GATAD2A: variants seen among roughly 807,000 people sequenced by gnomAD.
The protein encoded by GATAD2A is GATA zinc finger domain containing 2A.
A neutral mutation model predicts 68.5 loss-of-function variants in GATAD2A; 12 were observed. The ratio of observed to expected loss-of-function variants is 0.18; its 90% CI spans 0.11 to 0.28. GATAD2A has a LOEUF of 0.28. Ranked by LOEUF, GATAD2A falls within the 10% of genes least tolerant of loss-of-function variation. The pLI is 1.00. For synonymous variants in GATAD2A, 410 were observed against 375.3 expected, an observed-to-expected ratio of 1.09 and a Z score of -1.07; for missense variants, 755 against 868.5, an observed-to-expected ratio of 0.87 and a Z score of 1.64.
chr19:19,438,817 C>G (rs2054659703), intron 1 of GATAD2A, among the ~76,000 whole-genome samples: 1 of 152,202 alleles, frequency 6.6e-6, no homozygotes, highest in African/African-American at 2.4e-5. Context: ...ACTTAGTGGT[C>G]AAATAGGCGG....
chr19:19,406,245 C>CGGGGG (rs1555802341), intron 1 of GATAD2A, among the ~76,000 whole-genome samples: 1 of 151,296 alleles, frequency 6.6e-6, no homozygotes, highest in Non-Finnish European at 1.5e-5. Flanking sequence ...ACGTGGGGGC[C>CGGGGG]GGGCGGGGGT....
At chr19:19,470,581 T>G (rs2058226927) in intron 2 of GATAD2A, among the ~76,000 whole-genome samples, 1 of 152,226 alleles carries the variant, frequency 6.6e-6, no homozygotes. Flanking sequence ...GTAGAACATC[T>G]AGACAAAATT....
intron 1 of GATAD2A, among the ~76,000 whole-genome samples, chr19:19,387,045 C>G (rs1335097894): frequency 6.6e-6 from 1 of 152,172 alleles, no homozygotes; most frequent in African/African-American, 2.4e-5. Flanking sequence ...CTGAGAGACC[C>G]TCTGCCTCTC....
rs1205349352 is a variant in GATAD2A, at chr19:19,436,048, G to T, written c.-6-29292G>T. The T allele has an allele frequency of 7.6e-6, 5 of 658,988 alleles. No individual in the cohort carries two copies. In the Admixed American group the frequency reaches 9.4e-5, roughly 12 times the overall value. 40.8% of individuals were successfully genotyped at this position (658,988 alleles called of 1,614,324 possible). A position where few individuals can be genotyped will look rare whatever the true frequency, so the allele number is the denominator to read the frequency against. On this transcript the variant is annotated intron_variant, in intron 1 of 11. Transcript: ENST00000683918. Reference sequence around the variant, plus strand: ...GAAATTTTGCTATGTAATTCCAGGGGTTAGAGACATTTTAGAAATGCCAGT... The same window carrying T: ...GAAATTTTGCTATGTAATTCCAGGGTTTAGAGACATTTTAGAAATGCCAGT...
intron 2 of GATAD2A, among the ~76,000 whole-genome samples, chr19:19,473,862 C>T (rs999969739): frequency 1.3e-5 from 2 of 151,832 alleles, no homozygotes; most frequent in African/African-American, 2.4e-5. Flanking sequence ...AGGAGAATGG[C>T]GTGAACTCGG....
chr19:19,499,408 C>T (rs2060371690), intron 8 of GATAD2A, among the ~76,000 whole-genome samples: 1 of 152,134 alleles, frequency 6.6e-6, no homozygotes, highest in Non-Finnish European at 1.5e-5. Context: ...GCATCAGACT[C>T]TCAGAGCAGA....
At chr19:19,405,408 G>A (rs2050099349), upstream of GATAD2A, among the ~76,000 whole-genome samples, 1 of 152,212 alleles carries the variant, frequency 6.6e-6, no homozygotes, top group Non-Finnish European at 1.5e-5. Context: ...CTTGGGTGCG[G>A]CCCGCCCGGC....
chr19:19,386,379 G>C (rs2048419984), intron 1 of GATAD2A, among the ~76,000 whole-genome samples: 1 of 150,804 alleles, frequency 6.6e-6, no homozygotes, highest in African/African-American at 2.4e-5. Flanking sequence ...CTCTCTAGGG[G>C]CCTCCCTCCT....
At chr19:19,474,798 A>T (rs2058557025) in intron 2 of GATAD2A, among the ~76,000 whole-genome samples, 1 of 152,176 alleles carries the variant, frequency 6.6e-6, no homozygotes. Flanking sequence ...TGTGCTTTTC[A>T]CACTCACAGG....
chr19:19,417,033 A>C (rs900545464), intron 1 of GATAD2A, among the ~76,000 whole-genome samples: 5 of 152,186 alleles, frequency 3.3e-5, no homozygotes, highest in African/African-American at 1.2e-4. Context: ...AAGTGCTGGG[A>C]TTACAGGTGT....
At chr19:19,501,826 A>G (rs2060545695) in intron 9 of GATAD2A, 143 bp from the exon 10 acceptor site, 2 of 652,228 alleles carry the variant, frequency 3.1e-6, no homozygotes. Flanking sequence ...GTTCTTTGCA[A>G]TTCACTAAAC....
upstream of GATAD2A, among the ~76,000 whole-genome samples, chr19:19,403,151 CTTAA>C (rs1195734884): frequency 4.6e-5 from 7 of 152,140 alleles, no homozygotes; most frequent in African/African-American, 1.7e-4. Context: ...CTAGTTGTTT[CTTAA>C]TTAGAGTTTC....
In GATAD2A at chr19:19,426,807, C is replaced by A. The variant is rs116076458; in HGVS notation, c.-7+20788C>A. ...GGGATTACAGGCGTGAGCCACTGCCCCCGGCCTCCAGTGCTTTCTTTATGC... is the reference window on the plus strand; with the variant it reads ...GGGATTACAGGCGTGAGCCACTGCCACCGGCCTCCAGTGCTTTCTTTATGC... On this transcript the variant is annotated intron_variant, in intron 1 of 11. Transcript: ENST00000683918. 7.4e-3 allele frequency among the ~76,000 whole-genome samples: 1,134 copies of A among 152,322 alleles called. 16 individuals carry two copies. The highest frequency in any genetic ancestry group is 0.026 in the African/African-American group (1,092 of 41,566).
intron 9 of GATAD2A, 73 bp downstream of exon 9, chr19:19,501,489 C>T (rs751043694): frequency 3.4e-4 from 399 of 1,157,764 alleles, no homozygotes; most frequent in Non-Finnish European, 4.4e-4. Flanking sequence ...CCCACGCCTG[C>T]GCTGCACCGC....
intron 1 of GATAD2A, among the ~76,000 whole-genome samples, chr19:19,435,523 C>T (rs933170263): frequency 2.0e-5 from 3 of 152,198 alleles, no homozygotes; most frequent in Non-Finnish European, 4.4e-5. Flanking sequence ...CTGTGCCTGG[C>T]CTGTTTCTGT....
intron 1 of GATAD2A, among the ~76,000 whole-genome samples, chr19:19,427,059 T>C (rs1188865713): frequency 1.3e-5 from 2 of 151,762 alleles, no homozygotes; most frequent in African/African-American, 4.8e-5. Flanking sequence ...ACACTTATGA[T>C]TGCACCTATA....
chr19:19,390,340 G>A (rs1185478546), intron 1 of GATAD2A, among the ~76,000 whole-genome samples: 1 of 152,090 alleles, frequency 6.6e-6, no homozygotes, highest in Admixed American at 6.6e-5. Context: ...GGACAGCACA[G>A]CTCCTGGCAC....
intron 8 of GATAD2A, 113 bp from the exon 9 acceptor site, chr19:19,501,005 G>T: frequency 2.2e-6 from 2 of 929,942 alleles, no homozygotes; most frequent in South Asian, 1.6e-5. Context: ...GTAGGCATTT[G>T]CAGAACGGAC....
chr19:19,453,662 T>G (rs1248632009), intron 1 of GATAD2A, among the ~76,000 whole-genome samples: 1 of 140,248 alleles, frequency 7.1e-6, no homozygotes, highest in Non-Finnish European at 1.5e-5. Flanking sequence ...CAACTGGCTA[T>G]TTTTTAATTT....
Sources: allele counts gnomAD v4.1 joint callset (sites outside exome capture counted in the v4.1 genomes callset), GRCh38; gene constraint gnomAD v4.1.1; transcripts MANE v1.5; gene names NCBI Gene and HGNC (gene_info 2026-07-23, HGNC 2026-07-21).